Variants in SLC25A51 observed in about 807,000 individuals in gnomAD.
The protein encoded by SLC25A51 is solute carrier family 25 member 51, also known as mitochondrial nicotinamide adenine dinucleotide transporter SLC25A51.
SLC25A51 carries 11 observed loss-of-function variants against 19.1 expected under a neutral mutation model. The ratio of observed to expected loss-of-function variants is 0.58; its 90% CI spans 0.36 to 0.96. The LOEUF (loss-of-function observed/expected upper bound fraction) is 0.96, where lower values mean the gene tolerates loss of function less well. SLC25A51 is among the 40% of genes least tolerant of loss of function. The pLI is 0.01. For missense variants in SLC25A51, 201 were observed against 365.4 expected, an observed-to-expected ratio of 0.55 and a Z score of 3.67; for synonymous variants, 105 against 133.6, an observed-to-expected ratio of 0.79 and a Z score of 1.47.
At position 37,892,826 on chromosome 9, in the gene SLC25A51, G is replaced by A. The variant is rs145858858; in HGVS notation, c.-42-4234C>T. 5.3e-3 allele frequency among the ~76,000 whole-genome samples: 808 copies of A among 151,772 alleles called. 6 individuals are homozygous for A. Among genetic ancestry groups the A allele is most frequent in the African/African-American group, 0.019 (769 of 41,352 alleles). ...ACGATCTCAGCTCACTGCAACCTCT[G>A]CCTCCTGGGTTCAAGCGATTTTACT... is the stretch of plus-strand genomic sequence containing the variant. On this transcript the variant is annotated intron_variant, in intron 2 of 2. Coordinates refer to ENST00000242275, the MANE Select transcript of SLC25A51 (RefSeq NM_033412.4).
chr9:37,887,540 G>A, downstream of SLC25A51: 1 of 1,262,340 alleles, frequency 7.9e-7, no homozygotes, highest in Non-Finnish European at 1.1e-6. Flanking sequence ...ACACCCAGTT[G>A]ATGGCTTTCC....
At chr9:37,897,109 A>G (rs566610899) in intron 2 of SLC25A51, among the ~76,000 whole-genome samples, 1 of 152,296 alleles carries the variant, frequency 6.6e-6, no homozygotes, top group Admixed American at 6.5e-5. Context: ...GTATCTTCCT[A>G]TTTACTTATA....
chr9:37,903,119 G>T (rs536301124), intron 1 of SLC25A51, among the ~76,000 whole-genome samples: 1 of 152,264 alleles, frequency 6.6e-6, no homozygotes, highest in African/African-American at 2.4e-5. Flanking sequence ...ATGCGCTAAG[G>T]GTGATTCCAG....
intron 2 of SLC25A51, among the ~76,000 whole-genome samples, chr9:37,894,605 T>C (rs147456537): frequency 0.022 from 3,293 of 152,212 alleles, 67 homozygotes; most frequent in East Asian, 0.077. Flanking sequence ...GGATTACAGG[T>C]ATGAGCCACT....
downstream of SLC25A51, among the ~76,000 whole-genome samples, chr9:37,882,613 A>G (rs1416155321): frequency 4.6e-5 from 7 of 152,246 alleles, no homozygotes; most frequent in Non-Finnish European, 1.0e-4. Flanking sequence ...GAAACAAGAA[A>G]GACACACATA....
At chr9:37,898,951 G>A (rs1438058034) in intron 2 of SLC25A51, among the ~76,000 whole-genome samples, 1 of 152,180 alleles carries the variant, frequency 6.6e-6, no homozygotes, top group Non-Finnish European at 1.5e-5. Context: ...GAGACAGCCA[G>A]TGTAATATTT....
At chr9:37,898,277 C>T (rs1335297671) in intron 2 of SLC25A51, among the ~76,000 whole-genome samples, 3 of 152,062 alleles carry the variant, frequency 2.0e-5, no homozygotes, top group East Asian at 1.9e-4. Context: ...CGGGGGTGGC[C>T]GGGTGCGGTG....
Position 37,903,826 on chromosome 9 carries a change from C to A in SLC25A51, c.-165+242G>T, listed in dbSNP as rs186893714. On this transcript the variant is annotated intron_variant, in intron 1 of 2. Transcript: ENST00000242275. ...CGCCTTCGCGGGAAAGGTCGCCCAG[C>A]AGCCGGACAAACACCCGCGGCAGGC... 215 of 152,436 alleles carry A rather than the reference C, an allele frequency of 1.4e-3. 1 individual carries two copies. The highest frequency in any genetic ancestry group is 5.0e-3 in the African/African-American group (209 of 41,586). 9.4% of individuals were successfully genotyped at this position (152,436 alleles called of 1,614,324 possible). A position where few individuals can be genotyped will look rare whatever the true frequency, so the allele number is the denominator to read the frequency against.
intron 2 of SLC25A51, among the ~76,000 whole-genome samples, chr9:37,882,343 G>C (rs1044010266): frequency 2.6e-5 from 4 of 152,054 alleles, no homozygotes; most frequent in Admixed American, 6.6e-5. Flanking sequence ...AACATGATTG[G>C]CTTCACTCGA....
At chr9:37,880,329 T>G (rs1461929828) in exon 4 of SLC25A51, 1 of 151,708 alleles carries the variant, frequency 6.6e-6, no homozygotes, top group East Asian at 1.9e-4. Context: ...AAAAAATTAT[T>G]GACAATATGA....
intron 2 of SLC25A51, among the ~76,000 whole-genome samples, chr9:37,889,429 A>G (rs1042509986): frequency 6.6e-6 from 1 of 152,188 alleles, no homozygotes; most frequent in South Asian, 2.1e-4. Flanking sequence ...GAACACAGGT[A>G]AGGGACACTG....
At chr9:37,892,697 C>CT (rs1245205678) in intron 2 of SLC25A51, among the ~76,000 whole-genome samples, 4 of 151,722 alleles carry the variant, frequency 2.6e-5, no homozygotes, top group Non-Finnish European at 4.4e-5. Flanking sequence ...CCTCAGCCCT[C>CT]TGAGTACCTG....
intron 2 of SLC25A51, among the ~76,000 whole-genome samples, chr9:37,893,456 A>C (rs1831642647): frequency 6.6e-6 from 1 of 152,214 alleles, no homozygotes; most frequent in South Asian, 2.1e-4. Context: ...AGGAGTCAGG[A>C]AACTTCTCCC....
intron 2 of SLC25A51, among the ~76,000 whole-genome samples, chr9:37,897,421 A>G (rs1479574486): frequency 6.6e-6 from 1 of 152,028 alleles, no homozygotes; most frequent in Non-Finnish European, 1.5e-5. Context: ...TTGCATAAGA[A>G]AACAACTAAC....
At chr9:37,886,170 A>G, downstream of SLC25A51, 1 of 1,471,916 alleles carries the variant, frequency 6.8e-7, no homozygotes, top group South Asian at 1.1e-5. Flanking sequence ...ATCCTGTTCC[A>G]AGGTGGCAAG....
downstream of SLC25A51, chr9:37,886,416 C>G (rs1831459312): frequency 1.3e-6 from 2 of 1,562,038 alleles, no homozygotes; most frequent in African/African-American, 2.7e-5. Context: ...AGTGCTTCCT[C>G]TCCTGTCAAT....
At chr9:37,885,674 G>T (rs1183413772), downstream of SLC25A51, 8 of 1,235,724 alleles carry the variant, frequency 6.5e-6, no homozygotes, top group Non-Finnish European at 8.4e-6. Context: ...GGAGTTGCCC[G>T]AAACCGGAGA....
Position 37,887,989 on chromosome 9 carries a change from C to T in SLC25A51, c.562G>A (p.Val188Ile), listed in dbSNP as rs778316437. 6.2e-7 allele frequency: 1 copy of T among 1,612,038 alleles called. No homozygotes were observed. Among genetic ancestry groups the T allele is most frequent in the Admixed American group, 1.7e-5 (1 of 59,998 alleles). The change falls in exon 3 of 3, where the codon GTC becomes ATC. Residue 188 changes from valine to isoleucine, a missense_variant. Physicochemically the swap from Val to Ile is conservative, Grantham distance 29 (BLOSUM62 3). Transcript: ENST00000242275. ...PILFRNGLSN[V>I]LFFGLRGPIK... is the part of the protein sequence containing the mutation. Reference sequence around the variant, plus strand: ...GGACCTCGAAGGCCGAAAAACAAGACATTGCTGAGTCCATTCCGGAAAAGA... The same window carrying T: ...GGACCTCGAAGGCCGAAAAACAAGATATTGCTGAGTCCATTCCGGAAAAGA...
intron 2 of SLC25A51, among the ~76,000 whole-genome samples, chr9:37,892,556 A>G (rs1564069146): frequency 6.6e-6 from 1 of 151,688 alleles, no homozygotes; most frequent in East Asian, 1.9e-4. Flanking sequence ...ACAATACTAC[A>G]TTATATATAT....
Sources: allele counts gnomAD v4.1 joint callset (sites outside exome capture counted in the v4.1 genomes callset), GRCh38; gene constraint gnomAD v4.1.1; transcripts MANE v1.5; gene names NCBI Gene and HGNC (gene_info 2026-07-23, HGNC 2026-07-21).